The following IDE variants were observed in gnomAD, a reference collection of about 807,000 sequenced individuals.
IDE encodes insulin degrading enzyme.
In IDE, 58 loss-of-function variants were observed where a neutral mutation model predicts 133.2. The observed-to-expected ratio is 0.44, with a 90% CI of 0.35 to 0.54. IDE has a LOEUF of 0.54. IDE is among the 20% of genes least tolerant of loss of function. The pLI, the probability that IDE is intolerant of heterozygous loss-of-function variation, is 0.00. For missense variants in IDE, 981 were observed against 1,234.0 expected, an observed-to-expected ratio of 0.79 and a Z score of 3.07; for synonymous variants, 396 against 421.3, an observed-to-expected ratio of 0.94 and a Z score of 0.73.
intron 22 of IDE, among the ~76,000 whole-genome samples, chr10:92,458,506 T>G (rs1349209845): frequency 5.8e-5 from 8 of 137,010 alleles, no homozygotes; most frequent in East Asian, 2.1e-4. Flanking sequence ...TTTTTTTTTT[T>G]TTTTTTTTTT....
intron 13 of IDE, among the ~76,000 whole-genome samples, chr10:92,484,462 G>A (rs917970489): frequency 1.3e-5 from 2 of 151,628 alleles, no homozygotes; most frequent in Non-Finnish European, 2.9e-5. Flanking sequence ...ATACGGTGCA[G>A]CAGCTCACAC....
intron 1 of IDE, among the ~76,000 whole-genome samples, chr10:92,549,846 G>C (rs1343184171): frequency 6.6e-6 from 1 of 152,076 alleles, no homozygotes. Context: ...AGAAGAGCTA[G>C]GATTCAAACC....
intron 11 of IDE, among the ~76,000 whole-genome samples, chr10:92,493,743 T>G (rs1026049471): frequency 1.3e-5 from 2 of 152,122 alleles, no homozygotes; most frequent in Admixed American, 1.3e-4. Flanking sequence ...ACAGATCAAA[T>G]ACCAGACTAA....
chr10:92,550,534 C>T lies in IDE; in HGVS notation c.99-12984G>A, dbSNP rs1297483026. On this transcript the variant is annotated intron_variant, in intron 1 of 24. Coordinates refer to ENST00000265986, the MANE Select transcript of IDE (RefSeq NM_004969.4). Reference sequence around the variant, plus strand: ...GGTGTGGTGGCAGGTGCCTGTAGTCCCAGCCAATCGGGAGGCTGAGACAGG... The same window carrying T: ...GGTGTGGTGGCAGGTGCCTGTAGTCTCAGCCAATCGGGAGGCTGAGACAGG... 2.0e-5 allele frequency among the ~76,000 whole-genome samples: 3 copies of T among 151,958 alleles called. No individual in the cohort carries two copies. The East Asian group carries it at 5.8e-4, about 29-fold the overall frequency.
At chr10:92,568,145 G>C (rs547491610) in intron 1 of IDE, among the ~76,000 whole-genome samples, 1 of 152,272 alleles carries the variant, frequency 6.6e-6, no homozygotes, top group South Asian at 2.1e-4. Flanking sequence ...AGCAAGTCAA[G>C]CAAGTAGACC....
chr10:92,569,655 A>C (rs1460035237), intron 1 of IDE, among the ~76,000 whole-genome samples: 1 of 152,208 alleles, frequency 6.6e-6, no homozygotes, highest in East Asian at 1.9e-4. Context: ...AAACTGAAAA[A>C]ATGATAACAA....
chr10:92,534,041 G>T (rs1352793443), intron 3 of IDE, among the ~76,000 whole-genome samples: 1 of 150,574 alleles, frequency 6.6e-6, no homozygotes, highest in Non-Finnish European at 1.5e-5. Flanking sequence ...AAAAAAAATT[G>T]ACCAAGAAAT....
chr10:92,565,251 A>G, intron 1 of IDE, among the ~76,000 whole-genome samples: 1 of 150,306 alleles, frequency 6.7e-6, no homozygotes, highest in Non-Finnish European at 1.5e-5. Context: ...CTCAGAAAAA[A>G]AAAAAAAAAA....
At chr10:92,468,759 A>C (rs1845815682) in intron 19 of IDE, 120 bp downstream of exon 19, 1 of 563,916 alleles carries the variant, frequency 1.8e-6, no homozygotes, top group Admixed American at 3.1e-5. Flanking sequence ...AATTCTGTAA[A>C]TAGGAGAGGT....
intron 13 of IDE, among the ~76,000 whole-genome samples, chr10:92,484,374 G>A (rs1846833265): frequency 6.6e-6 from 1 of 151,106 alleles, no homozygotes; most frequent in South Asian, 2.1e-4. Context: ...CCGAGATCAT[G>A]CCACTGCACT....
intron 1 of IDE, among the ~76,000 whole-genome samples, chr10:92,563,226 G>A (rs1223351489): frequency 6.6e-6 from 1 of 151,896 alleles, no homozygotes; most frequent in Non-Finnish European, 1.5e-5. Context: ...ACTCCAGCCT[G>A]GGCAACAAGA....
At chr10:92,499,029 C>T (rs543313880) in intron 11 of IDE, among the ~76,000 whole-genome samples, 4 of 151,972 alleles carry the variant, frequency 2.6e-5, no homozygotes, top group Non-Finnish European at 4.4e-5. Flanking sequence ...TTTTACTTGC[C>T]TAAATGAGGC....
At chr10:92,488,932 T>TAAAAAAAAAAAAA in intron 12 of IDE, among the ~76,000 whole-genome samples, 1 of 78,968 alleles carries the variant, frequency 1.3e-5, no homozygotes, top group Non-Finnish European at 2.2e-5. Context: ...TTTCATTATT[T>TAAAAAAAAAAAAA]AAAAAAAAAA....
chr10:92,551,012 T>G (rs1345170785), intron 1 of IDE, among the ~76,000 whole-genome samples: 1 of 152,200 alleles, frequency 6.6e-6, no homozygotes, highest in Non-Finnish European at 1.5e-5. Flanking sequence ...CTCAGAAAAT[T>G]AGAAATAGAA....
At chr10:92,542,850 T>C (rs146513205) in intron 1 of IDE, among the ~76,000 whole-genome samples, 1 of 152,330 alleles carries the variant, frequency 6.6e-6, no homozygotes, top group Admixed American at 6.5e-5. Flanking sequence ...AAGGCCTAAA[T>C]TTCAGGTTTG....
chr10:92,454,618 T>C (rs1481767944), intron 24 of IDE, 79 bp from the exon 25 acceptor site: 2 of 969,914 alleles, frequency 2.1e-6, no homozygotes, highest in Non-Finnish European at 3.3e-6. Flanking sequence ...TGGCGGACAC[T>C]GGGAGCATAC....
chr10:92,455,369 A>G (rs1844935618), intron 24 of IDE, among the ~76,000 whole-genome samples: 1 of 152,052 alleles, frequency 6.6e-6, no homozygotes, highest in South Asian at 2.1e-4. Flanking sequence ...CCAGCTACTC[A>G]AGAGGCTGAG....
chr10:92,463,368 G>T (rs1272794046), intron 21 of IDE, among the ~76,000 whole-genome samples: 1 of 152,120 alleles, frequency 6.6e-6, no homozygotes, highest in East Asian at 1.9e-4. Context: ...TGCCTCAAAG[G>T]GGTTCAATCT....
chr10:92,564,588 T>C (rs1564685048), intron 1 of IDE, among the ~76,000 whole-genome samples: 2 of 138,802 alleles, frequency 1.4e-5, no homozygotes, highest in Admixed American at 8.3e-5. Flanking sequence ...GGCAGGAGAA[T>C]GCTTGAACAC....
Sources: gnomAD v4.1 joint callset for allele counts (sites outside exome capture counted in the v4.1 genomes callset) on GRCh38, gnomAD v4.1.1 for gene constraint, MANE v1.5 for transcripts, NCBI Gene and HGNC (gene_info 2026-07-23, HGNC 2026-07-21) for gene names.